Variants in SLC22A3 observed in about 807,000 individuals in gnomAD.
SLC22A3 encodes EMT organic cation transporter 3.
SLC22A3 carries 51 observed loss-of-function variants against 59.1 expected under a neutral mutation model. The ratio of observed to expected loss-of-function variants is 0.86; its 90% CI spans 0.69 to 1.09. The LOEUF is 1.09. Among genes scored for constraint, SLC22A3 ranks in the 50% least tolerant of loss-of-function variants. SLC22A3 has a pLI of 0.00. For missense variants in SLC22A3, 711 were observed against 726.3 expected, an observed-to-expected ratio of 0.98 and a Z score of 0.24; for synonymous variants, 325 against 292.0, an observed-to-expected ratio of 1.11 and a Z score of -1.15.
intron 1 of SLC22A3, among the ~76,000 whole-genome samples, chr6:160,365,693 C>T (rs1785180236): frequency 6.6e-6 from 1 of 152,142 alleles, no homozygotes; most frequent in South Asian, 2.1e-4. Context: ...CTTTAAAATT[C>T]AGCTACTACT....
At chr6:160,423,421 T>C (rs1226703667) in intron 5 of SLC22A3, among the ~76,000 whole-genome samples, 2 of 152,242 alleles carry the variant, frequency 1.3e-5, no homozygotes, top group African/African-American at 4.8e-5. Context: ...TCTTCCACAA[T>C]GGTTGAACTA....
chr6:160,363,426 G>T (rs183923704), intron 1 of SLC22A3, among the ~76,000 whole-genome samples: 1 of 152,116 alleles, frequency 6.6e-6, no homozygotes, highest in Admixed American at 6.5e-5. Context: ...CTTCTCCCAG[G>T]TGCAGGCAGC....
intron 5 of SLC22A3, among the ~76,000 whole-genome samples, chr6:160,419,735 G>A (rs912223683): frequency 5.9e-5 from 9 of 152,154 alleles, no homozygotes; most frequent in Non-Finnish European, 1.2e-4. Context: ...TCTTTAAAAT[G>A]ACTCATAAAA....
At chr6:160,405,654 G>C (rs1048774790) in intron 2 of SLC22A3, among the ~76,000 whole-genome samples, 15 of 152,038 alleles carry the variant, frequency 9.9e-5, no homozygotes, top group Non-Finnish European at 2.1e-4. Flanking sequence ...CTTCATAATT[G>C]CCAAAACTTG....
At position 160,378,766 on chromosome 6, in the gene SLC22A3, G is replaced by A. The variant is rs140596216; in HGVS notation, c.430-19213G>A. Among the ~76,000 whole-genome samples the A allele has an allele frequency of 4.7e-3, 709 of 152,188 alleles. 3 individuals are homozygous for A. Among genetic ancestry groups the A allele is most frequent in the African/African-American group, 0.016 (684 of 41,518 alleles). ...GAATGCTTACACTAGCCTGCAGTCG[G>A]GCAAAATTATCTAACACAAAGCCTA... On this transcript the variant is annotated intron_variant, in intron 1 of 10. Coordinates refer to ENST00000275300, the MANE Select transcript of SLC22A3 (RefSeq NM_021977.4).
chr6:160,370,645 G>A lies in SLC22A3; in HGVS notation c.429+21797G>A, dbSNP rs558120813. 1.4e-3 allele frequency among the ~76,000 whole-genome samples: 214 copies of A among 152,308 alleles called. 2 individuals carry two copies. Among genetic ancestry groups the A allele is most frequent in the African/African-American group, 4.8e-3 (198 of 41,558 alleles). ...AATAAATAGTAGCATATTACTTCAT[G>A]TAGGATTTTGCAAAGCTTAAACTAT... On this transcript the variant is annotated intron_variant, in intron 1 of 10. Coordinates refer to ENST00000275300, the MANE Select transcript of SLC22A3 (RefSeq NM_021977.4).
chr6:160,351,421 T>C (rs1380860348), intron 1 of SLC22A3, among the ~76,000 whole-genome samples: 2 of 152,248 alleles, frequency 1.3e-5, no homozygotes, highest in African/African-American at 4.8e-5. Flanking sequence ...AGCCTCTTTT[T>C]AAATTCCAAA....
chr6:160,439,776 T>C (rs916473822), intron 7 of SLC22A3, among the ~76,000 whole-genome samples: 4 of 152,228 alleles, frequency 2.6e-5, no homozygotes, highest in African/African-American at 9.6e-5. Flanking sequence ...TTTATAGTCA[T>C]ATGTCAGTCA....
intron 2 of SLC22A3, among the ~76,000 whole-genome samples, chr6:160,403,072 A>AAGGG (rs1786854840): frequency 1.3e-5 from 2 of 151,716 alleles, no homozygotes. Context: ...ACAGGAAATC[A>AAGGG]AGGGAGAAAA....
intron 8 of SLC22A3, 73 bp from the exon 9 acceptor site, chr6:160,443,557 G>A (rs938092687): frequency 2.0e-6 from 2 of 1,013,518 alleles, no homozygotes; most frequent in Admixed American, 3.8e-5. Context: ...TTTTTAATAT[G>A]TCTGAATATG....
chr6:160,420,447 T>C (rs1787681604), intron 5 of SLC22A3, among the ~76,000 whole-genome samples: 1 of 152,250 alleles, frequency 6.6e-6, no homozygotes, highest in African/African-American at 2.4e-5. Flanking sequence ...AGTTAGGGCT[T>C]GAAAACTATT....
intron 5 of SLC22A3, among the ~76,000 whole-genome samples, chr6:160,417,871 G>A (rs1418238930): frequency 6.6e-6 from 1 of 152,196 alleles, no homozygotes; most frequent in Non-Finnish European, 1.5e-5. Flanking sequence ...GAGGCTGAGA[G>A]ACATTCAGAA....
rs1192722889 is a variant in SLC22A3 at position 160,415,702 on chromosome 6, G to A, written c.975+4856G>A. Among the ~76,000 whole-genome samples the A allele has an allele frequency of 2.6e-5, 4 of 152,106 alleles. No individual in the cohort carries two copies. The highest frequency in any genetic ancestry group is 2.1e-4 in the South Asian group (1 of 4,834). ...TCTCAGGGTGCCCATTATAGGGTGC[G>A]GAGAAGGTTAGAATGGATTTGAAAG... On this transcript the variant is annotated intron_variant, in intron 5 of 10. Transcript: ENST00000275300. The surrounding 1 kb of genome is among the most constrained non-coding windows in gnomAD (Gnocchi z 4.1).
intron 1 of SLC22A3, among the ~76,000 whole-genome samples, chr6:160,353,164 A>T (rs990714363): frequency 6.6e-6 from 1 of 152,190 alleles, no homozygotes; most frequent in Admixed American, 6.5e-5. Flanking sequence ...CAGCCACCCC[A>T]CTAGGTGTCT....
rs551744423 is a variant in SLC22A3 at position 160,354,408 on chromosome 6, A to G, written c.429+5560A>G. On this transcript the variant is annotated intron_variant, in intron 1 of 10. Transcript: ENST00000275300. ...CAGAACAGTTGGTTCCTGTGAACAC[A>G]TAAAGACCCTTAAGCCAGGTGGGAG... is the stretch of plus-strand genomic sequence containing the variant. Among the ~76,000 whole-genome samples the G allele has an allele frequency of 1.5e-4, 23 of 152,346 alleles. 2 individuals are homozygous for G. Among genetic ancestry groups the G allele is most frequent in the Middle Eastern group, 6.8e-3 (2 of 294 alleles).
chr6:160,371,403 G>A (rs954766314), intron 1 of SLC22A3, among the ~76,000 whole-genome samples: 1 of 152,164 alleles, frequency 6.6e-6, no homozygotes, highest in South Asian at 2.1e-4. Flanking sequence ...TCATTGTTCA[G>A]CTCCCACTTA....
intron 1 of SLC22A3, among the ~76,000 whole-genome samples, chr6:160,367,837 T>C (rs1785261312): frequency 1.3e-5 from 2 of 152,162 alleles, no homozygotes; most frequent in South Asian, 4.1e-4. Context: ...GCCAGCCTCA[T>C]GCCATTCAGC....
At position 160,407,190 on chromosome 6, in the gene SLC22A3, T is replaced by C; in HGVS notation, c.683T>C (p.Val228Ala). 1 of 1,607,362 alleles carries C rather than the reference T, an allele frequency of 6.2e-7. No individual in the cohort carries two copies. The highest frequency in any genetic ancestry group is 8.5e-7 in the Non-Finnish European group (1 of 1,177,028). Reference sequence around the variant, plus strand: ...AAGGGGACGTGGATGACTTGCTACGTGATTGGTAAGACATTCTTACACCAT... The same window carrying C: ...AAGGGGACGTGGATGACTTGCTACGCGATTGGTAAGACATTCTTACACCAT... ...FGKGTWMTCY[V>A]IVTEIVGSKQ... The change falls in exon 3 of 11, where the codon GTG (valine) becomes GCG (alanine). Residue 228 changes from valine (V) to alanine (A), a missense_variant. Physicochemically the swap from Val to Ala is moderately conservative, Grantham distance 64 (BLOSUM62 0). Coordinates refer to ENST00000275300, the MANE Select transcript of SLC22A3 (RefSeq NM_021977.4).
chr6:160,419,592 C>A (rs979646765), intron 5 of SLC22A3, among the ~76,000 whole-genome samples: 19 of 152,194 alleles, frequency 1.2e-4, no homozygotes, highest in African/African-American at 4.6e-4. Context: ...GTCTCAAAAA[C>A]AAAGAAAGTC....
Sources: allele counts gnomAD v4.1 joint callset (sites outside exome capture counted in the v4.1 genomes callset), GRCh38; gene constraint gnomAD v4.1.1; non-coding constraint Gnocchi (gnomAD v3.1); transcripts MANE v1.5; gene names NCBI Gene and HGNC (gene_info 2026-07-23, HGNC 2026-07-21).